CHD7: variants seen among roughly 807,000 people sequenced by gnomAD.
The protein encoded by CHD7 is ATP-dependent chromatin remodeler CHD7.
In CHD7, 24 loss-of-function variants were observed where a neutral mutation model predicts 307.3. The ratio of observed to expected loss-of-function variants is 0.08; its 90% CI spans 0.06 to 0.11. CHD7 has a LOEUF of 0.11. CHD7 is among the 10% of genes least tolerant of loss of function. The probability of loss-of-function intolerance (pLI) is 1.00; values close to 1 mark genes in which losing one functional copy is unlikely to be tolerated. For synonymous variants in CHD7, 1,363 were observed against 1,349.9 expected, an observed-to-expected ratio of 1.01 and a Z score of -0.21; for missense variants, 3,106 against 3,727.1, an observed-to-expected ratio of 0.83 and a Z score of 4.34.
intron 3 of CHD7, among the ~76,000 whole-genome samples, chr8:60,786,050 C>T (rs1192079709): frequency 6.6e-6 from 1 of 152,174 alleles, no homozygotes. Flanking sequence ...TGTCTCCCGA[C>T]CTGTCCTACC....
At chr8:60,733,236 T>A (rs1430795587) in intron 1 of CHD7, among the ~76,000 whole-genome samples, 1 of 48,470 alleles carries the variant, frequency 2.1e-5, no homozygotes, top group Non-Finnish European at 3.6e-5. Flanking sequence ...ACCCTGTCTC[T>A]TAAAAAAAAA....
At chr8:60,789,629 A>G (rs1386727869) in intron 3 of CHD7, among the ~76,000 whole-genome samples, 1 of 152,190 alleles carries the variant, frequency 6.6e-6, no homozygotes, top group Non-Finnish European at 1.5e-5. Context: ...GACACTAATC[A>G]ATGTTTAACT....
chr8:60,803,849 A>G (rs1436810961), intron 6 of CHD7, among the ~76,000 whole-genome samples: 4 of 152,230 alleles, frequency 2.6e-5, no homozygotes, highest in African/African-American at 7.2e-5. Context: ...TGTGGATTCA[A>G]TCTATGCCTG....
intron 2 of CHD7, among the ~76,000 whole-genome samples, chr8:60,770,430 C>T (rs948310222): frequency 2.6e-5 from 4 of 152,146 alleles, no homozygotes; most frequent in African/African-American, 7.2e-5. Context: ...AATGAACCTC[C>T]CTCTTTTTGA....
At chr8:60,720,584 C>G (rs1352903510) in intron 1 of CHD7, among the ~76,000 whole-genome samples, 1 of 152,232 alleles carries the variant, frequency 6.6e-6, no homozygotes, top group Admixed American at 6.5e-5. Flanking sequence ...GAGCCTCCAG[C>G]TTCTGTGATC....
At chr8:60,861,201 C>T (rs1805954041) in intron 35 of CHD7, 76 bp downstream of exon 35, 2 of 1,119,488 alleles carry the variant, frequency 1.8e-6, no homozygotes. Context: ...CATAGAAATC[C>T]CTGACAGCTG....
At chr8:60,758,493 A>T (rs1810004671) in intron 2 of CHD7, among the ~76,000 whole-genome samples, 2 of 152,310 alleles carry the variant, frequency 1.3e-5, no homozygotes, top group Middle Eastern at 3.4e-3. Flanking sequence ...TTAAAGATTG[A>T]GAAGTTGTTG....
chr8:60,823,717 A>G lies in CHD7; in HGVS notation c.3202-123A>G. On this transcript the variant is annotated intron_variant, in intron 12 of 37. Coordinates refer to ENST00000423902, the MANE Select transcript of CHD7 (RefSeq NM_017780.4). ...CCAAAATAACTTGAAAACAGAATGT[A>G]TGTCACCTAAAATAAAGAGATCTCC... is the stretch of plus-strand genomic sequence containing the variant. 1.2e-5 allele frequency: 10 copies of G among 811,928 alleles called. No individual in the cohort carries two copies. The South Asian group carries it at 1.6e-4, about 13-fold the overall frequency. The allele number at this position is 811,928 out of a possible 1,614,324, so 50.3% of individuals were successfully genotyped here. A position where few individuals can be genotyped will look rare whatever the true frequency, so the allele number is the denominator to read the frequency against.
chr8:60,702,902 C>T (rs6981399), intron 1 of CHD7, among the ~76,000 whole-genome samples: 19,327 of 152,128 alleles, frequency 0.13, 1,274 homozygotes, highest in East Asian at 0.2. Flanking sequence ...AGAGAGTGAG[C>T]GAGAGAGCGC....
Position 60,719,950 on chromosome 8 carries a change from C to G in CHD7, c.-174-21309C>G, listed in dbSNP as rs1428496134. Among the ~76,000 whole-genome samples the G allele has an allele frequency of 2.6e-5, 4 of 152,144 alleles. No homozygotes were observed. The East Asian group carries it at 7.7e-4, about 29-fold the overall frequency. On this transcript the variant is annotated intron_variant, in intron 1 of 37. Coordinates refer to ENST00000423902, the MANE Select transcript of CHD7 (RefSeq NM_017780.4). ...GTATGCTTATTCCAAAATATTCAAG[C>G]CATAAAACATGCATGAAGTAGGAAG...
intron 37 of CHD7, 129 bp from the exon 38 acceptor site, chr8:60,864,887 A>C: frequency 1.2e-6 from 1 of 869,452 alleles, no homozygotes; most frequent in African/African-American, 1.7e-5. Context: ...TTTATCATTG[A>C]GCTGTTAGGA....
Position 60,856,791 on chromosome 8 carries a change from A to T in CHD7, c.7511A>T (p.Asp2504Val). The T allele has an allele frequency of 1.2e-6, 2 of 1,610,430 alleles. No individual in the cohort carries two copies. Among genetic ancestry groups the T allele is most frequent in the Non-Finnish European group, 1.7e-6 (2 of 1,177,686 alleles). Residue 2504 changes from aspartate to valine, a missense_variant, in exon 34 of 38, where the codon GAT (aspartate) becomes GTT (valine). This residue lies in a region of CHD7 where 1,030 missense variants were observed against 1,165.4 expected (regional missense o/e 0.88). Coordinates refer to ENST00000423902, the MANE Select transcript of CHD7 (RefSeq NM_017780.4). ...CATCTCCTTAATGGCTCCCTAGTGGATGGAGAGCCTCCCATGAAGAGGAGG... is the reference window on the plus strand; with the variant it reads ...CATCTCCTTAATGGCTCCCTAGTGGTTGGAGAGCCTCCCATGAAGAGGAGG... ...TRHLLNGSLV[D>V]GEPPMKRRRG...
chr8:60,839,059 A>G (rs1217608808), intron 19 of CHD7, among the ~76,000 whole-genome samples: 3 of 152,236 alleles, frequency 2.0e-5, no homozygotes, highest in South Asian at 4.1e-4. Flanking sequence ...AAAGGTCCTC[A>G]TGCTCATTAG....
Position 60,853,062 on chromosome 8 carries a change from G to T in CHD7, c.6337G>T (p.Asp2113Tyr). The part of the protein sequence containing the change: ...GAAKHGVSRT[D>Y]YHILNDPELS... ...TGCTAAACACGGGGTCAGTCGGACG[G>T]ATTATCACATCCTCAATGACCCTGA... Residue 2113 changes from aspartate (D) to tyrosine (Y), a missense_variant, in exon 31 of 38, where the codon GAT (aspartate) becomes TAT (tyrosine). Around this residue, in one of 10 missense-constraint regions of CHD7, gnomAD observed 1,030 missense variants for 1,165.4 expected, o/e 0.88. Coordinates refer to ENST00000423902, the MANE Select transcript of CHD7 (RefSeq NM_017780.4). 1 of 1,613,964 alleles carries T rather than the reference G, an allele frequency of 6.2e-7. No individual in the cohort carries two copies.
In CHD7 at chr8:60,795,075, A is replaced by C; in HGVS notation, c.2186A>C (p.Lys729Thr). Residue 729 changes from lysine (K) to threonine (T), a missense_variant, in exon 4 of 38, where the codon AAA becomes ACA. By Grantham distance (78) the Lys-to-Thr change is moderately conservative (BLOSUM62 -1). Coordinates refer to ENST00000423902, the MANE Select transcript of CHD7 (RefSeq NM_017780.4). ...TEGSENSDLDKTPPPSPPPEE... is the reference protein window; with the variant it reads ...TEGSENSDLDTTPPPSPPPEE... ...GGTTCTGAAAATTCAGACTTAGACA[A>C]AACACCCCCACCATCTCCTCCTCCT... 1 of 1,613,890 alleles carries C rather than the reference A, an allele frequency of 6.2e-7. No individual in the cohort carries two copies. Among genetic ancestry groups the C allele is most frequent in the Non-Finnish European group, 8.5e-7 (1 of 1,179,820 alleles).
intron 6 of CHD7, 128 bp from the exon 7 acceptor site, chr8:60,808,089 A>G: frequency 4.3e-6 from 3 of 695,616 alleles, no homozygotes. Context: ...CGGTGTGCTC[A>G]TCTTACGTGA....
chr8:60,690,384 T>C (rs1806135402), intron 1 of CHD7, among the ~76,000 whole-genome samples: 1 of 152,234 alleles, frequency 6.6e-6, no homozygotes, highest in African/African-American at 2.4e-5. Flanking sequence ...GTGCATTTAA[T>C]ATTTTAATAT....
chr8:60,865,364 G>C lies in CHD7; in HGVS notation c.8425G>C (p.Val2809Leu), dbSNP rs763048936. The C allele has an allele frequency of 6.2e-7, 1 of 1,611,748 alleles. No individual in the cohort carries two copies. The highest frequency in any genetic ancestry group is 8.5e-7 in the Non-Finnish European group (1 of 1,179,184). The change falls in exon 38 of 38, where the codon GTG becomes CTG. Residue 2809 changes from valine (V) to leucine (L), a missense_variant. This residue lies in a region of CHD7 where 351 missense variants were observed against 366.2 expected (regional missense o/e 0.96). Transcript: ENST00000423902. This position sits in a 1 kb window ranked among gnomAD's most constrained non-coding sequence, Gnocchi z 4.3. ...GCCAGGAATGGCGGGCCTGCCCAAC[G>C]TGTTTGGCTTGGGCGGGCTGTTGAA... The part of the protein sequence containing the change: ...MLPGMAGLPN[V>L]FGLGGLLNNP...
At position 60,836,810 on chromosome 8, in the gene CHD7, T is replaced by A. The variant is rs1424783648; in HGVS notation, c.3990-7T>A. On this transcript the variant is annotated splice_polypyrimidine_tract_variant and splice_region_variant and intron_variant, in intron 16 of 37. Transcript: ENST00000423902. ...CAGGCCTCCTTGTTCACACTGATGT[T>A]TTCTAGGTACCCATATGAAAGGATC... The A allele has an allele frequency of 6.2e-7, 1 of 1,612,672 alleles. No homozygotes were observed. The highest frequency in any genetic ancestry group is 8.5e-7 in the Non-Finnish European group (1 of 1,179,144).
Sources: gnomAD v4.1 joint callset for allele counts (sites outside exome capture counted in the v4.1 genomes callset) on GRCh38, gnomAD v4.1.1 for gene constraint, gnomAD v4.1.1 regional missense constraint, Gnocchi (gnomAD v3.1) non-coding constraint, MANE v1.5 for transcripts, NCBI Gene and HGNC (gene_info 2026-07-23, HGNC 2026-07-21) for gene names.